AKIRIN2: variants seen among roughly 807,000 people sequenced by gnomAD.
AKIRIN2 encodes the protein akirin 2, also known as akirin-2.
Under a neutral mutation model 29.3 loss-of-function variants are expected in AKIRIN2, and 6 were observed. The ratio of observed to expected loss-of-function variants is 0.20; its 90% CI spans 0.11 to 0.40. AKIRIN2 has a LOEUF of 0.40. Among genes scored for constraint, AKIRIN2 ranks in the 10% least tolerant of loss-of-function variants. The probability of loss-of-function intolerance (pLI) is 1.00; values close to 1 mark genes in which losing one functional copy is unlikely to be tolerated. For missense variants in AKIRIN2, 210 were observed against 276.1 expected (o/e 0.76, Z 1.70); for synonymous variants, 128 against 117.5 (o/e 1.09, Z -0.58).
chr6:87,685,478 G>T (rs937093374), intron 1 of AKIRIN2, among the ~76,000 whole-genome samples: 1 of 152,146 alleles, frequency 6.6e-6, no homozygotes, highest in Admixed American at 6.6e-5. Context: ...TATCATACCA[G>T]CAAGTTAATA....
intron 1 of AKIRIN2, among the ~76,000 whole-genome samples, chr6:87,687,065 T>C (rs58748100): frequency 8.3e-6 from 1 of 119,900 alleles, no homozygotes; most frequent in African/African-American, 3.3e-5. Context: ...AAAAAAAAAA[T>C]CTTGAAAGTC....
intron 1 of AKIRIN2, among the ~76,000 whole-genome samples, chr6:87,700,278 A>AC (rs1771438620): frequency 6.6e-6 from 1 of 151,982 alleles, no homozygotes; most frequent in East Asian, 1.9e-4. Context: ...AAAAAAAAAA[A>AC]AACACTAAAG....
intron 3 of AKIRIN2, among the ~76,000 whole-genome samples, chr6:87,676,464 A>C (rs1770991730): frequency 7.1e-6 from 1 of 141,370 alleles, no homozygotes; most frequent in Non-Finnish European, 1.6e-5. Context: ...AAAAAAAAAA[A>C]AAAAAAACGA....
chr6:87,688,436 G>A (rs1266949032), intron 1 of AKIRIN2, among the ~76,000 whole-genome samples: 2 of 151,290 alleles, frequency 1.3e-5, no homozygotes, highest in Non-Finnish European at 2.9e-5. Context: ...TGGCAAGACC[G>A]TGTCTTTAAA....
chr6:87,676,918 T>G (rs1487099028), intron 3 of AKIRIN2, among the ~76,000 whole-genome samples: 1 of 147,424 alleles, frequency 6.8e-6, no homozygotes, highest in Non-Finnish European at 1.5e-5. Context: ...CTACTAAAAA[T>G]ACAAGAAAAT....
At position 87,701,522 on chromosome 6, in the gene AKIRIN2, C is replaced by T; in HGVS notation, c.163G>A (p.Ala55Thr). The change falls in exon 1 of 5, where the codon GCC becomes ACC. Residue 55 changes from alanine (A) to threonine (T), a missense_variant. Around this residue, in one of 2 missense-constraint regions of AKIRIN2, gnomAD observed 199 missense variants for 236.5 expected, o/e 0.84. Transcript: ENST00000257787. ...AATAASFSAAAASPQKYLRME... is the reference protein window; with the variant it reads ...AATAASFSAATASPQKYLRME... ...CGGAGATACTTCTGCGGCGAGGCGGCCGCAGCGGAGAAGGAGGCGGCGGTG... is the reference window on the plus strand; with the variant it reads ...CGGAGATACTTCTGCGGCGAGGCGGTCGCAGCGGAGAAGGAGGCGGCGGTG... 1 of 1,446,992 alleles carries T rather than the reference C, an allele frequency of 6.9e-7. No individual in the cohort carries two copies. The highest frequency in any genetic ancestry group is 9.1e-7 in the Non-Finnish European group (1 of 1,100,892). The allele number at this position is 1,446,992 out of a possible 1,614,324, so 89.6% of individuals were successfully genotyped here.
intron 1 of AKIRIN2, among the ~76,000 whole-genome samples, chr6:87,687,439 C>CAAAAAA (rs201472497): frequency 0.3 from 32,004 of 107,634 alleles, 4,538 homozygotes; most frequent in Admixed American, 0.41. Context: ...AATTCCGTTT[C>CAAAAAA]AAAAAAAAAA....
At chr6:87,678,323 C>A (rs778472569) in intron 2 of AKIRIN2, among the ~76,000 whole-genome samples, 4 of 145,472 alleles carry the variant, frequency 2.7e-5, no homozygotes, top group Non-Finnish European at 6.0e-5. Context: ...CATGGTGAAA[C>A]CCTGCCTCTA....
chr6:87,689,194 C>A (rs1418659081), intron 1 of AKIRIN2, among the ~76,000 whole-genome samples: 1 of 152,102 alleles, frequency 6.6e-6, no homozygotes, highest in African/African-American at 2.4e-5. Flanking sequence ...CTTGTTCAGG[C>A]ACCCCCCAAA....
chr6:87,682,410 C>A (rs1018386258), intron 1 of AKIRIN2, among the ~76,000 whole-genome samples: 2 of 152,120 alleles, frequency 1.3e-5, no homozygotes, highest in Admixed American at 6.5e-5. Context: ...ATGACAGGTC[C>A]TCAATAAATA....
rs771975916 is a variant in AKIRIN2 at position 87,701,583 on chromosome 6, G to C, written c.102C>G (p.Thr34=). 15 of 1,425,242 alleles carry C rather than the reference G, an allele frequency of 1.1e-5. No individual in the cohort carries two copies. Among genetic ancestry groups the C allele is most frequent in the Non-Finnish European group, 9.2e-7 (1 of 1,091,998 alleles). 88.3% of individuals were successfully genotyped at this position (1,425,242 alleles called of 1,614,324 possible). A position where few individuals can be genotyped will look rare whatever the true frequency, so the allele number is the denominator to read the frequency against. The change falls in exon 1 of 5, where the codon ACC becomes ACG. Residue 34 remains threonine (T), a synonymous_variant. Transcript: ENST00000257787. ...CCGACAACGGGGAGGCAGCGGCCGA[G>C]GTGGGCGCCGACAATGGCGCACATC... The part of the protein sequence containing the change: ...RRRCAPLSAP[T]SAAASPLSAA...
At chr6:87,687,375 T>A (rs1242022390) in intron 1 of AKIRIN2, among the ~76,000 whole-genome samples, 1 of 132,386 alleles carries the variant, frequency 7.6e-6, no homozygotes, top group Non-Finnish European at 1.5e-5. Context: ...AAACCCTGTC[T>A]CTACTAAAAA....
intron 1 of AKIRIN2, among the ~76,000 whole-genome samples, chr6:87,683,029 C>A (rs1441855004): frequency 1.3e-5 from 2 of 152,126 alleles, no homozygotes; most frequent in African/African-American, 4.8e-5. Flanking sequence ...AAAATCCTGT[C>A]ACTTATTTTC....
intron 1 of AKIRIN2, among the ~76,000 whole-genome samples, chr6:87,697,042 C>G (rs1305878774): frequency 6.6e-6 from 1 of 151,924 alleles, no homozygotes; most frequent in African/African-American, 2.4e-5. Flanking sequence ...GCGGCACAGG[C>G]TCACACCTAT....
intron 1 of AKIRIN2, among the ~76,000 whole-genome samples, chr6:87,692,232 A>T (rs963461025): frequency 6.6e-6 from 1 of 152,216 alleles, no homozygotes; most frequent in Non-Finnish European, 1.5e-5. Flanking sequence ...CTTGCTGGTG[A>T]GTAAAAGTCC....
chr6:87,677,180 A>G (rs1354740815), intron 3 of AKIRIN2, among the ~76,000 whole-genome samples: 3 of 152,184 alleles, frequency 2.0e-5, no homozygotes, highest in South Asian at 4.1e-4. Context: ...ACTGACTGCA[A>G]TGAGAATAGG....
intron 1 of AKIRIN2, among the ~76,000 whole-genome samples, chr6:87,695,853 C>G (rs2128302834): frequency 6.6e-6 from 1 of 152,068 alleles, no homozygotes; most frequent in South Asian, 2.1e-4. Context: ...AGCTTTCTAT[C>G]ACTGTCTTTC....
At chr6:87,686,032 C>G (rs1331592019) in intron 1 of AKIRIN2, among the ~76,000 whole-genome samples, 3 of 151,886 alleles carry the variant, frequency 2.0e-5, no homozygotes, top group Non-Finnish European at 4.4e-5. Flanking sequence ...CAGGCCAACA[C>G]AGTGAAACCC....
chr6:87,677,772 T>C, intron 3 of AKIRIN2, 46 bp downstream of exon 3: 3 of 1,582,902 alleles, frequency 1.9e-6, no homozygotes, highest in Non-Finnish European at 2.6e-6. Flanking sequence ...AAAATGCATT[T>C]CACACAACTG....
Sources: allele counts gnomAD v4.1 joint callset (sites outside exome capture counted in the v4.1 genomes callset), GRCh38; gene constraint gnomAD v4.1.1; regional missense constraint gnomAD v4.1.1; transcripts MANE v1.5; gene names NCBI Gene and HGNC (gene_info 2026-07-23, HGNC 2026-07-21).